CNTNAP2: variants seen among roughly 807,000 people sequenced by gnomAD.
CNTNAP2 encodes the protein contactin associated protein 2, also known as contactin-associated protein-like 2.
Under a neutral mutation model 155.2 loss-of-function variants are expected in CNTNAP2, and 98 were observed. The ratio of observed to expected loss-of-function variants is 0.63; its 90% CI spans 0.54 to 0.75. CNTNAP2 has a LOEUF of 0.75. CNTNAP2 is among the 30% of genes least tolerant of loss of function. CNTNAP2 has a pLI of 0.00. For synonymous variants in CNTNAP2, 651 were observed against 631.2 expected (o/e 1.03, Z -0.47); for missense variants, 1,727 against 1,688.1 (o/e 1.02, Z -0.40).
At chr7:148,190,271 G>C (rs989623031) in intron 18 of CNTNAP2, 1 of 152,392 alleles carries the variant, frequency 6.6e-6, no homozygotes, top group East Asian at 1.9e-4. Context: ...ACTAGGTTAC[G>C]TGGATCGGAC....
chr7:147,943,766 C>CAAAAAAAA (rs144842680), intron 14 of CNTNAP2, among the ~76,000 whole-genome samples: 5 of 40,134 alleles, frequency 1.2e-4, no homozygotes, highest in East Asian at 7.5e-4. Context: ...GACCCCGTCT[C>CAAAAAAAA]AAAAAAAAAA....
intron 13 of CNTNAP2, among the ~76,000 whole-genome samples, chr7:147,751,886 T>G (rs1402490079): frequency 6.6e-6 from 1 of 152,208 alleles, no homozygotes; most frequent in Non-Finnish European, 1.5e-5. Flanking sequence ...ACTGCTGGGA[T>G]GATGTTATTC....
chr7:147,659,090 C>A (rs570141906), intron 13 of CNTNAP2, among the ~76,000 whole-genome samples: 1 of 152,248 alleles, frequency 6.6e-6, no homozygotes, highest in African/African-American at 2.4e-5. Flanking sequence ...TATATTATGG[C>A]ACACAGATAA....
intron 15 of CNTNAP2, among the ~76,000 whole-genome samples, chr7:148,072,568 G>A (rs1803400849): frequency 6.6e-6 from 1 of 152,098 alleles, no homozygotes; most frequent in Non-Finnish European, 1.5e-5. Flanking sequence ...TTAGCCTGTG[G>A]GTCGCACAAA....
At chr7:146,296,565 C>A (rs915245543) in intron 1 of CNTNAP2, among the ~76,000 whole-genome samples, 1 of 152,110 alleles carries the variant, frequency 6.6e-6, no homozygotes, top group East Asian at 1.9e-4. Flanking sequence ...GGTAGCATTT[C>A]TAATTTTCTA....
chr7:148,313,707 C>G (rs1262932677), intron 21 of CNTNAP2, among the ~76,000 whole-genome samples: 1 of 152,044 alleles, frequency 6.6e-6, no homozygotes. Flanking sequence ...TTAATTAAGT[C>G]CTGTTGTGGG....
chr7:146,906,499 C>T (rs1267431097), intron 3 of CNTNAP2, among the ~76,000 whole-genome samples: 1 of 152,040 alleles, frequency 6.6e-6, no homozygotes. Context: ...TGACCCCTGA[C>T]CCCCGAGCAG....
At chr7:148,142,568 G>A (rs950462938) in intron 16 of CNTNAP2, among the ~76,000 whole-genome samples, 7 of 152,128 alleles carry the variant, frequency 4.6e-5, no homozygotes, top group Admixed American at 2.0e-4. Context: ...TGGAAAAAAC[G>A]TATCATTACC....
intron 23 of CNTNAP2, among the ~76,000 whole-genome samples, chr7:148,412,893 T>C (rs1458625218): frequency 6.6e-6 from 1 of 152,208 alleles, no homozygotes; most frequent in Admixed American, 6.5e-5. Flanking sequence ...AGCTGTTTGA[T>C]GAATGGGTAT....
At chr7:146,213,561 C>T (rs946956532) in intron 1 of CNTNAP2, among the ~76,000 whole-genome samples, 1 of 152,100 alleles carries the variant, frequency 6.6e-6, no homozygotes, top group African/African-American at 2.4e-5. Context: ...TTTATTCAAA[C>T]CCTAATGCTG....
At chr7:147,609,802 C>T (rs1801147716) in intron 12 of CNTNAP2, among the ~76,000 whole-genome samples, 1 of 152,010 alleles carries the variant, frequency 6.6e-6, no homozygotes, top group African/African-American at 2.4e-5. Flanking sequence ...CCTGAACACC[C>T]AAAAGGCCAG....
At chr7:146,754,323 TA>T (rs1332208379) in intron 1 of CNTNAP2, among the ~76,000 whole-genome samples, 2 of 152,028 alleles carry the variant, frequency 1.3e-5, no homozygotes, top group East Asian at 3.9e-4. Flanking sequence ...CTATAAACAG[TA>T]AAAGAAGCAA....
rs201565329 is a variant in CNTNAP2 at position 147,292,754 on chromosome 7, ATGAAG to A, written c.1349-7384_1349-7380del. Among the ~76,000 whole-genome samples the A allele has an allele frequency of 7.3e-3, 1,070 of 147,256 alleles. 10 individuals are homozygous for A. The highest frequency in any genetic ancestry group is 0.025 in the African/African-American group (1,007 of 39,882). ...CCCTAAGATTCTACGTATTAAATAAATGAAGTGGTCATTTCTGTTTGTTTGTTTAT... is the reference window on the plus strand; with the variant it reads ...CCCTAAGATTCTACGTATTAAATAAATGGTCATTTCTGTTTGTTTGTTTAT... On this transcript the variant is annotated intron_variant, in intron 8 of 23. Transcript: ENST00000361727.
At position 146,862,349 on chromosome 7, in the gene CNTNAP2, A is replaced by G. The variant is rs541210282; in HGVS notation, c.402+22445A>G. Among the ~76,000 whole-genome samples, 11 of 152,296 alleles carry G rather than the reference A, an allele frequency of 7.2e-5. No homozygotes were observed. In the South Asian group the frequency reaches 2.3e-3, roughly 32 times the overall value. On this transcript the variant is annotated intron_variant, in intron 3 of 23. Transcript: ENST00000361727. ...TTTCTTAATGACAACAAAAACGAAA[A>G]AAGTGTAGTTTTGGCAACTTTTGGA... is the stretch of plus-strand genomic sequence containing the variant.
chr7:148,007,987 T>C (rs1038453307), intron 15 of CNTNAP2, among the ~76,000 whole-genome samples: 1 of 152,140 alleles, frequency 6.6e-6, no homozygotes, highest in Non-Finnish European at 1.5e-5. Flanking sequence ...TTAGCACTTA[T>C]GACTAAATTA....
chr7:146,510,717 C>T (rs1175013227), intron 1 of CNTNAP2, among the ~76,000 whole-genome samples: 1 of 149,866 alleles, frequency 6.7e-6, no homozygotes, highest in African/African-American at 2.5e-5. Context: ...ATATTTATTC[C>T]CAGGTATTTT....
intron 13 of CNTNAP2, among the ~76,000 whole-genome samples, chr7:147,772,592 A>G (rs578240481): frequency 4.0e-5 from 6 of 150,394 alleles, no homozygotes; most frequent in African/African-American, 1.2e-4. Flanking sequence ...ATTGACTTCT[A>G]CTTTAATTTA....
rs139441132 is a variant in CNTNAP2 at position 147,882,716 on chromosome 7, A to C, written c.2099-20849A>C. On this transcript the variant is annotated intron_variant, in intron 13 of 23. Coordinates refer to ENST00000361727, the MANE Select transcript of CNTNAP2 (RefSeq NM_014141.6). ...CCATGTACCTCTATAGTCTCCCAAG[A>C]ATCTGTCAAGATATCAGCTTTTATT... Among the ~76,000 whole-genome samples the C allele has an allele frequency of 8.8e-4, 134 of 152,262 alleles. 1 individual carries two copies. The highest frequency in any genetic ancestry group is 3.2e-3 in the African/African-American group (131 of 41,534).
intron 13 of CNTNAP2, among the ~76,000 whole-genome samples, chr7:147,718,808 A>G (rs1034945479): frequency 6.6e-5 from 10 of 152,190 alleles, no homozygotes; most frequent in African/African-American, 2.2e-4. Context: ...CCTGAGCCCA[A>G]TGTAATAATG....
Sources: gnomAD v4.1 joint callset for allele counts (sites outside exome capture counted in the v4.1 genomes callset) on GRCh38, gnomAD v4.1.1 for gene constraint, MANE v1.5 for transcripts, NCBI Gene and HGNC (gene_info 2026-07-23, HGNC 2026-07-21) for gene names.